FOXP1: variants seen among roughly 807,000 people sequenced by gnomAD.
FOXP1 encodes forkhead box protein P1.
In FOXP1, 15 loss-of-function variants were observed where a neutral mutation model predicts 98.2. The ratio of observed to expected loss-of-function variants is 0.15; its 90% CI spans 0.10 to 0.24. The LOEUF (loss-of-function observed/expected upper bound fraction) is 0.24, where lower values mean the gene tolerates loss of function less well. Ranked by LOEUF, FOXP1 falls within the 10% of genes least tolerant of loss-of-function variation. FOXP1 has a pLI of 1.00. For missense variants in FOXP1, 633 were observed against 848.5 expected, an observed-to-expected ratio of 0.75 and a Z score of 3.15; for synonymous variants, 371 against 314.5, an observed-to-expected ratio of 1.18 and a Z score of -1.90.
At chr3:71,421,277 C>T (rs1420870466) in intron 3 of FOXP1, among the ~76,000 whole-genome samples, 1 of 140,860 alleles carries the variant, frequency 7.1e-6, no homozygotes, top group African/African-American at 2.5e-5. Flanking sequence ...TTGATTCTGA[C>T]ATCAGGATAA....
chr3:71,475,417 G>C lies in FOXP1; in HGVS notation c.-168+18009C>G, dbSNP rs75812589. 3.4e-3 allele frequency among the ~76,000 whole-genome samples: 520 copies of C among 152,210 alleles called. 3 individuals carry two copies. The highest frequency in any genetic ancestry group is 0.012 in the African/African-American group (492 of 41,526). ...CCATGGCAATCGGGGAAAGGGAGAG[G>C]GTGGTAAATGTCAACCCATGAGAAA... On this transcript the variant is annotated intron_variant, in intron 3 of 20. Coordinates refer to ENST00000649528, the MANE Select transcript of FOXP1 (RefSeq NM_001349338.3).
chr3:71,251,484 T>C (rs934071937), intron 5 of FOXP1, among the ~76,000 whole-genome samples: 1 of 152,182 alleles, frequency 6.6e-6, no homozygotes, highest in African/African-American at 2.4e-5. Context: ...ACGTTATAAA[T>C]ACATCATAGC....
intron 2 of FOXP1, among the ~76,000 whole-genome samples, chr3:71,514,937 T>G (rs2042456582): frequency 6.6e-6 from 1 of 152,182 alleles, no homozygotes; most frequent in Non-Finnish European, 1.5e-5. Flanking sequence ...AGTTCAAAGA[T>G]GCAAACCTAT....
At chr3:71,204,936 C>A (rs2063922914) in intron 5 of FOXP1, among the ~76,000 whole-genome samples, 1 of 152,136 alleles carries the variant, frequency 6.6e-6, no homozygotes, top group African/African-American at 2.4e-5. Flanking sequence ...TACCCAAGAG[C>A]CAAGTTTAGG....
intron 3 of FOXP1, among the ~76,000 whole-genome samples, chr3:71,368,261 A>G (rs886792552): frequency 6.6e-6 from 1 of 152,046 alleles, no homozygotes; most frequent in Non-Finnish European, 1.5e-5. Context: ...AGTAGCTGGG[A>G]TAAACAGGCG....
chr3:71,026,929 GAATA>G (rs1374834791), intron 11 of FOXP1, among the ~76,000 whole-genome samples: 1 of 152,274 alleles, frequency 6.6e-6, no homozygotes, highest in Non-Finnish European at 1.5e-5. Context: ...ATGAGTGAAG[GAATA>G]AATAAAGGAA....
intron 4 of FOXP1, among the ~76,000 whole-genome samples, chr3:71,322,888 G>T (rs1338694608): frequency 6.6e-6 from 1 of 152,094 alleles, no homozygotes; most frequent in Non-Finnish European, 1.5e-5. Flanking sequence ...TGAGAACTCT[G>T]GAAAGCTTCT....
At chr3:70,994,138 A>T (rs1302244319) in intron 13 of FOXP1, among the ~76,000 whole-genome samples, 1 of 151,970 alleles carries the variant, frequency 6.6e-6, no homozygotes, top group Non-Finnish European at 1.5e-5. Flanking sequence ...CACCTAGGAC[A>T]GTGCCCTGGC....
chr3:71,251,151 T>C (rs577292668), intron 5 of FOXP1, among the ~76,000 whole-genome samples: 15 of 152,236 alleles, frequency 9.9e-5, no homozygotes, highest in Non-Finnish European at 1.8e-4. Context: ...AAATGATTTC[T>C]TTTTTCACTG....
intron 3 of FOXP1, among the ~76,000 whole-genome samples, chr3:71,420,509 G>A (rs2083553966): frequency 6.6e-6 from 1 of 152,000 alleles, no homozygotes; most frequent in African/African-American, 2.4e-5. Flanking sequence ...TTAAAATGGT[G>A]AAAAAAATTC....
intron 14 of FOXP1, among the ~76,000 whole-genome samples, chr3:70,981,298 T>C (rs1297316674): frequency 6.6e-6 from 1 of 151,762 alleles, no homozygotes. Context: ...CTGGAGGCTT[T>C]TGAACATTAG....
At chr3:70,973,882 T>C (rs2107236535) in intron 17 of FOXP1, among the ~76,000 whole-genome samples, 1 of 88,906 alleles carries the variant, frequency 1.1e-5, no homozygotes, top group African/African-American at 4.2e-5. Context: ...CCACCTGGAG[T>C]ATTTCCTTCC....
intron 6 of FOXP1, among the ~76,000 whole-genome samples, chr3:71,160,700 C>A (rs747263482): frequency 3.3e-5 from 5 of 152,314 alleles, no homozygotes; most frequent in Admixed American, 6.5e-5. Flanking sequence ...CATGGGACTG[C>A]ACAGATAAAT....
intron 5 of FOXP1, among the ~76,000 whole-genome samples, chr3:71,282,084 C>T (rs775980555): frequency 2.0e-5 from 3 of 151,324 alleles, no homozygotes; most frequent in Admixed American, 6.6e-5. Context: ...ACTCCAGCCT[C>T]GGTGACAGAG....
At chr3:71,120,183 G>T (rs1199887730) in intron 6 of FOXP1, among the ~76,000 whole-genome samples, 1 of 152,204 alleles carries the variant, frequency 6.6e-6, no homozygotes, top group Non-Finnish European at 1.5e-5. Flanking sequence ...CAGTTTCTTT[G>T]TACCAGTCAC....
chr3:71,459,446 GT>G (rs1403956882), intron 3 of FOXP1, among the ~76,000 whole-genome samples: 1 of 152,180 alleles, frequency 6.6e-6, no homozygotes, highest in Non-Finnish European at 1.5e-5. Context: ...ACTGAAAAAG[GT>G]GTAAAAATTA....
At chr3:71,101,106 G>T (rs765347339) in intron 7 of FOXP1, among the ~76,000 whole-genome samples, 2 of 152,078 alleles carry the variant, frequency 1.3e-5, no homozygotes, top group Non-Finnish European at 2.9e-5. Flanking sequence ...AAAAAGGAAC[G>T]GACAGAAAAT....
At chr3:71,462,934 A>G (rs1317910738) in intron 3 of FOXP1, among the ~76,000 whole-genome samples, 1 of 152,146 alleles carries the variant, frequency 6.6e-6, no homozygotes, top group Non-Finnish European at 1.5e-5. Context: ...CATGTATAAA[A>G]CCACCTCCTA....
chr3:71,195,409 G>A (rs181735929), intron 6 of FOXP1, among the ~76,000 whole-genome samples: 2 of 152,178 alleles, frequency 1.3e-5, no homozygotes, highest in African/African-American at 4.8e-5. Context: ...AACTCTCCCC[G>A]TATCCTCAAT....
Sources: gnomAD v4.1 joint callset for allele counts (sites outside exome capture counted in the v4.1 genomes callset) on GRCh38, gnomAD v4.1.1 for gene constraint, MANE v1.5 for transcripts, NCBI Gene and HGNC (gene_info 2026-07-23, HGNC 2026-07-21) for gene names.